The following TSPAN33 variants were observed in gnomAD, a reference collection of about 807,000 sequenced individuals.
The protein encoded by TSPAN33 is tetraspanin 33, also known as tetraspanin-33.
Under a neutral mutation model 34.8 loss-of-function variants are expected in TSPAN33, and 27 were observed. The ratio of observed to expected loss-of-function variants is 0.78; its 90% confidence interval spans 0.57 to 1.07. The LOEUF (loss-of-function observed/expected upper bound fraction) is 1.07, where lower values mean the gene tolerates loss of function less well. Ranked by LOEUF, TSPAN33 falls within the 50% of genes least tolerant of loss-of-function variation. The pLI is 0.00. For missense variants in TSPAN33, 272 were observed against 324.9 expected, an observed-to-expected ratio of 0.84 and a Z score of 1.25; for synonymous variants, 119 against 124.2, an observed-to-expected ratio of 0.96 and a Z score of 0.28.
chr7:129,149,823 C>T (rs928625262), intron 1 of TSPAN33, among the ~76,000 whole-genome samples: 3 of 152,244 alleles, frequency 2.0e-5, no homozygotes, highest in African/African-American at 7.2e-5. Context: ...AGGGAGAGCG[C>T]TGACAGCCAG....
chr7:129,152,381 GTAT>G (rs1810607842), intron 1 of TSPAN33, among the ~76,000 whole-genome samples: 1 of 152,194 alleles, frequency 6.6e-6, no homozygotes, highest in South Asian at 2.1e-4. Context: ...ACACAACCAA[GTAT>G]TATTCAGCGA....
rs372046415 is a variant in TSPAN33, at chr7:129,165,904, C to T, written c.460-874C>T. 1.5e-4 allele frequency among the ~76,000 whole-genome samples: 23 copies of T among 151,162 alleles called. No homozygotes were observed. The East Asian group carries it at 3.0e-3, about 20-fold the overall frequency. On this transcript the variant is annotated intron_variant, in intron 5 of 7. Transcript: ENST00000486685. This position sits in a 1 kb window ranked among gnomAD's most constrained non-coding sequence, Gnocchi z 4.5. ...CAGCCTGGGTGACAGACAGAGACTC[C>T]GTCTCAAAAATAAATAAGTGAAAAA...
At chr7:129,149,913 C>G (rs544034296) in intron 1 of TSPAN33, among the ~76,000 whole-genome samples, 1 of 152,338 alleles carries the variant, frequency 6.6e-6, no homozygotes, top group South Asian at 2.1e-4. Flanking sequence ...ATGTGAAGGT[C>G]ACGGGCAGGG....
chr7:129,163,807 A>G (rs1181925667), intron 4 of TSPAN33, among the ~76,000 whole-genome samples: 1 of 152,170 alleles, frequency 6.6e-6, no homozygotes, highest in Admixed American at 6.5e-5. Context: ...CTCTACTAAA[A>G]AACACCAAAA....
intron 1 of TSPAN33, among the ~76,000 whole-genome samples, chr7:129,153,963 A>C (rs937938554): frequency 1.2e-4 from 19 of 152,140 alleles, no homozygotes; most frequent in African/African-American, 4.6e-4. Context: ...AAGAAGAAGA[A>C]TATGACAAAA....
chr7:129,169,276 C>G lies in TSPAN33; in HGVS notation c.*1402C>G, dbSNP rs946503653. Reference sequence around the variant, plus strand: ...AGGAAGCTCGGCGCGGTGCGCTGGGCCTCCTGGCGCCGGGAGGAGCGCGCG... The same window carrying G: ...AGGAAGCTCGGCGCGGTGCGCTGGGGCTCCTGGCGCCGGGAGGAGCGCGCG... On this transcript the variant is annotated 3_prime_UTR_variant, in exon 8 of 8. Coordinates refer to ENST00000486685, the MANE Select transcript of TSPAN33 (RefSeq NM_178562.5). The G allele has an allele frequency of 6.6e-6, 1 of 152,218 alleles. No homozygotes were observed. Among genetic ancestry groups the G allele is most frequent in the East Asian group, 1.9e-4 (1 of 5,192 alleles). 9.4% of individuals were successfully genotyped at this position (152,218 alleles called of 1,614,324 possible). A position where few individuals can be genotyped will look rare whatever the true frequency, so the allele number is the denominator to read the frequency against.
intron 1 of TSPAN33, among the ~76,000 whole-genome samples, chr7:129,158,696 T>C (rs953749609): frequency 6.6e-6 from 1 of 152,232 alleles, no homozygotes; most frequent in African/African-American, 2.4e-5. Context: ...AAGGACATGA[T>C]TTCATTCGTT....
At chr7:129,162,035 TC>T (rs1176379518) in intron 2 of TSPAN33, among the ~76,000 whole-genome samples, 1 of 152,222 alleles carries the variant, frequency 6.6e-6, no homozygotes, top group Non-Finnish European at 1.5e-5. Context: ...CCTAGCTCTG[TC>T]CTGGAGAAAC....
chr7:129,156,652 T>C (rs1810668693), intron 1 of TSPAN33, among the ~76,000 whole-genome samples: 1 of 152,212 alleles, frequency 6.6e-6, no homozygotes, highest in Non-Finnish European at 1.5e-5. Flanking sequence ...GGGAGCTCTT[T>C]CAGTTGGCTT....
At position 129,168,172 on chromosome 7, in the gene TSPAN33, G is replaced by A; in HGVS notation, c.*298G>A. On this transcript the variant is annotated 3_prime_UTR_variant, in exon 8 of 8. Coordinates refer to ENST00000486685, the MANE Select transcript of TSPAN33 (RefSeq NM_178562.5). Reference sequence around the variant, plus strand: ...AAACAGCAGTTGCACAGAGAGTTGGGGGTACTGCTGCTGCCTTTTCACCGA... The same window carrying A: ...AAACAGCAGTTGCACAGAGAGTTGGAGGTACTGCTGCTGCCTTTTCACCGA... The A allele has an allele frequency of 2.9e-6, 1 of 343,506 alleles. No homozygotes were observed. Among genetic ancestry groups the A allele is most frequent in the Non-Finnish European group, 5.3e-6 (1 of 188,612 alleles). The allele number at this position is 343,506 out of a possible 1,614,324, so 21.3% of individuals were successfully genotyped here. A position where few individuals can be genotyped will look rare whatever the true frequency, so the allele number is the denominator to read the frequency against.
chr7:129,160,551 G>A (rs1159253173), intron 1 of TSPAN33, among the ~76,000 whole-genome samples: 1 of 152,186 alleles, frequency 6.6e-6, no homozygotes, highest in Admixed American at 6.5e-5. Flanking sequence ...ATTAGTCTCT[G>A]ATGGGTTTGT....
chr7:129,163,333 CTTTTTT>C (rs57365994), intron 4 of TSPAN33, among the ~76,000 whole-genome samples: 2 of 124,848 alleles, frequency 1.6e-5, no homozygotes, highest in African/African-American at 6.0e-5. Flanking sequence ...TTCTTTCTTT[CTTTTTT>C]TTTTTTTTTT....
At chr7:129,150,479 TG>T (rs1219070399) in intron 1 of TSPAN33, among the ~76,000 whole-genome samples, 1 of 152,030 alleles carries the variant, frequency 6.6e-6, no homozygotes, top group Non-Finnish European at 1.5e-5. Context: ...GGCAAAATCC[TG>T]GGGGTACTGG....
At chr7:129,151,906 T>G (rs1421960043) in intron 1 of TSPAN33, among the ~76,000 whole-genome samples, 1 of 152,224 alleles carries the variant, frequency 6.6e-6, no homozygotes, top group Non-Finnish European at 1.5e-5. Flanking sequence ...TAGAAATTAA[T>G]ATGTTTGCCT....
intron 1 of TSPAN33, among the ~76,000 whole-genome samples, chr7:129,161,045 C>T (rs142193891): frequency 3.7e-4 from 57 of 152,304 alleles, no homozygotes; most frequent in Admixed American, 7.2e-4. Context: ...CCAAGTTTGA[C>T]TCGCTCTGAA....
intron 1 of TSPAN33, among the ~76,000 whole-genome samples, chr7:129,146,011 G>T (rs1414124108): frequency 6.6e-6 from 1 of 151,972 alleles, no homozygotes; most frequent in Non-Finnish European, 1.5e-5. Context: ...AGGTCCTGGG[G>T]TGTGAGAACA....
chr7:129,162,805 G>A, intron 3 of TSPAN33, 28 bp from the exon 4 acceptor site: 1 of 1,612,382 alleles, frequency 6.2e-7, no homozygotes, highest in East Asian at 2.2e-5. Context: ...AGTGGTCCTA[G>A]ACGCCTCTTC....
rs1810507841 is a variant in TSPAN33 at position 129,145,449 on chromosome 7, G to A, written c.102+367G>A. Among the ~76,000 whole-genome samples the A allele has an allele frequency of 2.0e-5, 3 of 152,062 alleles. No homozygotes were observed. The South Asian group carries it at 6.2e-4, about 31-fold the overall frequency. On this transcript the variant is annotated intron_variant, in intron 1 of 7. Transcript: ENST00000486685. ...TCAGGCCTGGGGGCCTGGAGGCCCG[G>A]CTGGCAAAGAAAGAAGAGGAAGGAA...
intron 1 of TSPAN33, among the ~76,000 whole-genome samples, chr7:129,160,756 G>A (rs1009125266): frequency 6.6e-6 from 1 of 152,198 alleles, no homozygotes; most frequent in Non-Finnish European, 1.5e-5. Flanking sequence ...CCTCTAAGAG[G>A]GTTAGAGAGC....
Sources: allele counts gnomAD v4.1 joint callset (sites outside exome capture counted in the v4.1 genomes callset), GRCh38; gene constraint gnomAD v4.1.1; non-coding constraint Gnocchi (gnomAD v3.1); transcripts MANE v1.5; gene names NCBI Gene and HGNC (gene_info 2026-07-23, HGNC 2026-07-21).